The following ITFG1 variants were observed in gnomAD, a reference collection of about 807,000 sequenced individuals.
ITFG1 encodes the protein T-cell immunomodulatory protein.
A neutral mutation model predicts 81.8 loss-of-function variants in ITFG1; 34 were observed. The ratio of observed to expected loss-of-function variants is 0.42; its 90% CI spans 0.32 to 0.55. The LOEUF is 0.55. ITFG1 is among the 20% of genes least tolerant of loss of function. ITFG1 has a pLI of 0.17. For missense variants in ITFG1, 672 were observed against 755.4 expected, an observed-to-expected ratio of 0.89 and a Z score of 1.29; for synonymous variants, 285 against 270.6, an observed-to-expected ratio of 1.05 and a Z score of -0.52.
In ITFG1 at chr16:47,375,897, C is replaced by T. The variant is rs139573652; in HGVS notation, c.699G>A (p.Gln233=). Residue 233 remains glutamine, a synonymous_variant, in exon 7 of 18, where the codon CAG becomes CAA. Transcript: ENST00000320640. ...TTLNATTSTF[Q]FEIWENLDGN... ...TTACCAAATTTTCCCATATTTCAAA[C>T]TGGAAGGTACTAGTGGTGGCATTCA... The T allele has an allele frequency of 2.8e-5, 45 of 1,604,586 alleles. No individual in the cohort carries two copies. Among genetic ancestry groups the T allele is most frequent in the Middle Eastern group, 1.7e-4 (1 of 6,056 alleles).
intron 2 of ITFG1, among the ~76,000 whole-genome samples, chr16:47,454,732 T>G (rs1969430946): frequency 6.6e-6 from 1 of 152,118 alleles, no homozygotes; most frequent in African/African-American, 2.4e-5. Context: ...ATGTATATTT[T>G]TATTTTTTCC....
At chr16:47,264,598 A>T (rs1197025513) in intron 10 of ITFG1, among the ~76,000 whole-genome samples, 1 of 151,694 alleles carries the variant, frequency 6.6e-6, no homozygotes. Flanking sequence ...ACACAGAGAT[A>T]GAGAGAAAAT....
intron 8 of ITFG1, among the ~76,000 whole-genome samples, chr16:47,321,715 A>G (rs1967451126): frequency 6.6e-6 from 1 of 152,176 alleles, no homozygotes; most frequent in South Asian, 2.1e-4. Context: ...AACATACACA[A>G]TGCTACATTT....
In ITFG1 at chr16:47,244,300, T is replaced by G. The variant is rs570036322; in HGVS notation, c.1331-6292A>C. Among the ~76,000 whole-genome samples, 10 of 152,270 alleles carry G rather than the reference T, an allele frequency of 6.6e-5. No individual in the cohort carries two copies. In the South Asian group the frequency reaches 2.1e-3, roughly 32 times the overall value. On this transcript the variant is annotated intron_variant, in intron 12 of 17. Coordinates refer to ENST00000320640, the MANE Select transcript of ITFG1 (RefSeq NM_030790.5). ...CATGGGAACCCTGATTCATGGCCAG[T>G]TAGTCAGAAGTACAGGTCCTGACCT...
chr16:47,458,666 T>C (rs989875520), intron 2 of ITFG1, among the ~76,000 whole-genome samples: 7 of 152,156 alleles, frequency 4.6e-5, no homozygotes, highest in Non-Finnish European at 1.0e-4. Flanking sequence ...CAAGTCAACC[T>C]TAAAAACTCA....
intron 2 of ITFG1, among the ~76,000 whole-genome samples, chr16:47,455,400 AC>A (rs1334897919): frequency 3.8e-4 from 57 of 151,946 alleles, no homozygotes; most frequent in African/African-American, 1.4e-3. Context: ...AAAAAAAAAA[AC>A]AAACCAACAA....
chr16:47,180,959 C>T (rs1260438114), intron 14 of ITFG1, among the ~76,000 whole-genome samples: 2 of 149,110 alleles, frequency 1.3e-5, no homozygotes, highest in East Asian at 4.0e-4. Context: ...CCCGGCCGCC[C>T]ATCATCTGGG....
chr16:47,239,151 C>T, intron 12 of ITFG1, among the ~76,000 whole-genome samples: 1 of 152,054 alleles, frequency 6.6e-6, no homozygotes, highest in Non-Finnish European at 1.5e-5. Context: ...ACTTCCCAGC[C>T]TCAAGAACTG....
chr16:47,438,112 T>C (rs1188018386), intron 5 of ITFG1, among the ~76,000 whole-genome samples: 1 of 151,966 alleles, frequency 6.6e-6, no homozygotes, highest in Admixed American at 6.6e-5. Flanking sequence ...GATCAAACGG[T>C]AAGGCCACAG....
intron 14 of ITFG1, among the ~76,000 whole-genome samples, chr16:47,212,394 T>C (rs1965574149): frequency 6.6e-6 from 1 of 152,128 alleles, no homozygotes; most frequent in Non-Finnish European, 1.5e-5. Context: ...AAAAAAATTT[T>C]TTTGTAGACA....
intron 13 of ITFG1, among the ~76,000 whole-genome samples, chr16:47,221,243 T>C (rs1186989620): frequency 6.6e-6 from 1 of 152,224 alleles, no homozygotes; most frequent in Non-Finnish European, 1.5e-5. Context: ...GTAAAGTTTC[T>C]TGAAAATACG....
intron 14 of ITFG1, among the ~76,000 whole-genome samples, chr16:47,197,779 G>A (rs973698638): frequency 2.0e-5 from 3 of 152,212 alleles, no homozygotes; most frequent in Non-Finnish European, 4.4e-5. Context: ...AGTAAAGTCT[G>A]TTCCCTAGAG....
chr16:47,342,858 A>T (rs1292503145), intron 8 of ITFG1, among the ~76,000 whole-genome samples: 1 of 152,142 alleles, frequency 6.6e-6, no homozygotes, highest in Non-Finnish European at 1.5e-5. Context: ...TAAAGACCTA[A>T]ATAAATGGAA....
chr16:47,250,477 C>T (rs1333107556), intron 12 of ITFG1, among the ~76,000 whole-genome samples: 1 of 151,714 alleles, frequency 6.6e-6, no homozygotes, highest in Non-Finnish European at 1.5e-5. Flanking sequence ...AAGTATGTGA[C>T]ATGATGGATA....
chr16:47,460,514 A>C (rs1459358876), intron 1 of ITFG1, among the ~76,000 whole-genome samples: 1 of 152,192 alleles, frequency 6.6e-6, no homozygotes, highest in Non-Finnish European at 1.5e-5. Flanking sequence ...CCTAGGAATC[A>C]GGAAGCACTT....
At chr16:47,283,486 C>A (rs1966858474) in intron 10 of ITFG1, among the ~76,000 whole-genome samples, 1 of 152,124 alleles carries the variant, frequency 6.6e-6, no homozygotes, top group Non-Finnish European at 1.5e-5. Context: ...TATAATAAAT[C>A]CTGTCTCTGT....
intron 14 of ITFG1, among the ~76,000 whole-genome samples, chr16:47,200,906 T>C (rs909868291): frequency 5.3e-5 from 8 of 152,146 alleles, no homozygotes; most frequent in Non-Finnish European, 1.0e-4. Context: ...ACAAACGATA[T>C]ATGCATCAAA....
intron 10 of ITFG1, among the ~76,000 whole-genome samples, chr16:47,277,437 A>G (rs1966409325): frequency 6.6e-6 from 1 of 152,140 alleles, no homozygotes; most frequent in Admixed American, 6.5e-5. Flanking sequence ...TCCCACGAAT[A>G]CTATATTTTC....
intron 8 of ITFG1, among the ~76,000 whole-genome samples, chr16:47,354,592 A>C (rs1371123334): frequency 1.3e-5 from 2 of 152,180 alleles, no homozygotes; most frequent in South Asian, 4.1e-4. Flanking sequence ...ACATCAAAGG[A>C]AACAAGTAAG....
Sources: gnomAD v4.1 joint callset for allele counts (sites outside exome capture counted in the v4.1 genomes callset) on GRCh38, gnomAD v4.1.1 for gene constraint, MANE v1.5 for transcripts, NCBI Gene and HGNC (gene_info 2026-07-23, HGNC 2026-07-21) for gene names.